Variants in ADAMTSL1 observed in about 807,000 individuals in gnomAD.
ADAMTSL1 encodes ADAMTS-like protein 1.
A neutral mutation model predicts 201.8 loss-of-function variants in ADAMTSL1; 126 were observed. That is an observed-to-expected ratio of 0.62 (90% CI 0.54 to 0.72). The LOEUF is 0.72. ADAMTSL1 is among the 30% of genes least tolerant of loss of function. The pLI, the probability that ADAMTSL1 is intolerant of heterozygous loss-of-function variation, is 0.00. For missense variants in ADAMTSL1, 2,679 were observed against 2,277.8 expected (o/e 1.18, Z -3.59); for synonymous variants, 1,121 against 903.4 (o/e 1.24, Z -4.32).
At chr9:18,819,704 T>C (rs986707706) in intron 21 of ADAMTSL1, among the ~76,000 whole-genome samples, 1 of 152,222 alleles carries the variant, frequency 6.6e-6, no homozygotes, top group Admixed American at 6.5e-5. Context: ...GACATTGCAG[T>C]CTTTATTTTT....
intron 23 of ADAMTSL1, among the ~76,000 whole-genome samples, chr9:18,843,805 C>A (rs1249219378): frequency 6.6e-6 from 1 of 150,844 alleles, no homozygotes; most frequent in Non-Finnish European, 1.5e-5. Flanking sequence ...TCACTGATAC[C>A]CTTTCTTCCA....
intron 3 of ADAMTSL1, among the ~76,000 whole-genome samples, chr9:18,562,808 G>A (rs751162442): frequency 8.5e-5 from 13 of 152,062 alleles, no homozygotes; most frequent in Non-Finnish European, 1.9e-4. Context: ...TAATCGATTT[G>A]GCTGTTGATG....
At chr9:18,051,311 T>A (rs1378664587) in intron 1 of ADAMTSL1, among the ~76,000 whole-genome samples, 1 of 151,628 alleles carries the variant, frequency 6.6e-6, no homozygotes, top group Non-Finnish European at 1.5e-5. Context: ...AAAAAAAAAA[T>A]TATATATATC....
intron 14 of ADAMTSL1, among the ~76,000 whole-genome samples, chr9:18,718,945 TA>T (rs1249351968): frequency 6.6e-6 from 1 of 152,238 alleles, no homozygotes; most frequent in Non-Finnish European, 1.5e-5. Context: ...GTAAATGAGT[TA>T]AAAATTTAAT....
At chr9:17,978,769 A>ATT (rs113667113) in intron 1 of ADAMTSL1, among the ~76,000 whole-genome samples, 2 of 151,638 alleles carry the variant, frequency 1.3e-5, no homozygotes, top group African/African-American at 4.8e-5. Context: ...TTTACCATTG[A>ATT]TTTTTTTTAC....
In ADAMTSL1 at chr9:18,095,750, C is replaced by G. The variant is rs938813364; in HGVS notation, c.88-68112C>G. On this transcript the variant is annotated intron_variant, in intron 1 of 29. Coordinates refer to the ADAMTSL1 transcript ENST00000680146. The stretch of plus-strand genomic sequence containing the variant: ...CCCTGATAAATTTCTTAGTGCTGGG[C>G]TGACAACGTATTTCAGTCTCATCTT... 3.3e-5 allele frequency among the ~76,000 whole-genome samples: 5 copies of G among 152,112 alleles called. No homozygotes were observed. The South Asian group carries it at 8.3e-4, about 25-fold the overall frequency.
chr9:17,919,697 C>G (rs1179707161), intron 1 of ADAMTSL1, among the ~76,000 whole-genome samples: 2 of 152,014 alleles, frequency 1.3e-5, no homozygotes, highest in African/African-American at 2.4e-5. Flanking sequence ...ATGAATATAA[C>G]ACATTTTGTT....
In ADAMTSL1 at chr9:18,256,672, G is replaced by A. The variant is rs548391416; in HGVS notation, c.207+92691G>A. On this transcript the variant is annotated intron_variant, in intron 2 of 29. Transcript: ENST00000680146. ...CAGAGAGGCTTAAGAGCTAATTCTGGAACCTACTAGCCTCAGGAAGTTTTG... is the reference window on the plus strand; with the variant it reads ...CAGAGAGGCTTAAGAGCTAATTCTGAAACCTACTAGCCTCAGGAAGTTTTG... 4.6e-5 allele frequency among the ~76,000 whole-genome samples: 7 copies of A among 152,282 alleles called. No homozygotes were observed. In the East Asian group the frequency reaches 7.7e-4, roughly 17 times the overall value.
chr9:18,010,696 G>A (rs976016758), intron 1 of ADAMTSL1, among the ~76,000 whole-genome samples: 1 of 151,986 alleles, frequency 6.6e-6, no homozygotes, highest in Admixed American at 6.6e-5. Context: ...AGCTAGCTAA[G>A]CCAAATAGGA....
chr9:18,424,420 G>A (rs748600141), intron 2 of ADAMTSL1, among the ~76,000 whole-genome samples: 5 of 152,102 alleles, frequency 3.3e-5, no homozygotes, highest in Admixed American at 6.5e-5. Context: ...AGCTCAGTGG[G>A]GCAACAGTGA....
Position 18,863,388 on chromosome 9 carries a change from C to T in ADAMTSL1, c.4250-24443C>T, listed in dbSNP as rs554900397. On this transcript the variant is annotated intron_variant, in intron 23 of 28. Transcript: ENST00000380548. Reference sequence around the variant, plus strand: ...CCTGCCAACGGAAACCCAAAGCTTACGCTAGGGGTGAAGAGACATTTGGGG... The same window carrying T: ...CCTGCCAACGGAAACCCAAAGCTTATGCTAGGGGTGAAGAGACATTTGGGG... Among the ~76,000 whole-genome samples, 8 of 152,248 alleles carry T rather than the reference C, an allele frequency of 5.3e-5. No individual in the cohort carries two copies. In the East Asian group the frequency reaches 9.6e-4, roughly 18 times the overall value.
chr9:18,565,343 C>T (rs1821812125), intron 3 of ADAMTSL1, among the ~76,000 whole-genome samples: 2 of 152,102 alleles, frequency 1.3e-5, no homozygotes, highest in Admixed American at 1.3e-4. Flanking sequence ...TTTCACTGAG[C>T]ATGAACTTGA....
At chr9:18,286,385 C>T (rs1313883106) in intron 2 of ADAMTSL1, among the ~76,000 whole-genome samples, 1 of 152,114 alleles carries the variant, frequency 6.6e-6, no homozygotes, top group Non-Finnish European at 1.5e-5. Flanking sequence ...TGATGATAAA[C>T]TTTTTGTTGG....
intron 1 of ADAMTSL1, among the ~76,000 whole-genome samples, chr9:18,099,989 T>G (rs1730705106): frequency 6.6e-6 from 1 of 152,176 alleles, no homozygotes; most frequent in African/African-American, 2.4e-5. Flanking sequence ...TAAATTCGTT[T>G]TATTTCTGAT....
intron 2 of ADAMTSL1, among the ~76,000 whole-genome samples, chr9:18,238,667 G>A (rs11787918): frequency 0.035 from 5,260 of 152,188 alleles, 133 homozygotes; most frequent in Non-Finnish European, 0.054. Flanking sequence ...GCACTGAAAG[G>A]AACCAAATGA....
intron 1 of ADAMTSL1, among the ~76,000 whole-genome samples, chr9:18,012,868 T>A (rs1402738117): frequency 6.6e-6 from 1 of 152,026 alleles, no homozygotes; most frequent in African/African-American, 2.4e-5. Flanking sequence ...TTAATGTGTA[T>A]AATGTAAATT....
chr9:18,241,017 ATCT>A (rs1457122131), intron 2 of ADAMTSL1, among the ~76,000 whole-genome samples: 3 of 152,120 alleles, frequency 2.0e-5, no homozygotes, highest in Non-Finnish European at 4.4e-5. Flanking sequence ...GGCTGGTTTG[ATCT>A]TCTCTCCAGA....
chr9:18,156,038 C>T (rs768868644), intron 1 of ADAMTSL1, among the ~76,000 whole-genome samples: 6 of 152,080 alleles, frequency 3.9e-5, no homozygotes, highest in African/African-American at 1.2e-4. Flanking sequence ...TCTCAGACTG[C>T]AGCCTAGTGC....
intron 1 of ADAMTSL1, among the ~76,000 whole-genome samples, chr9:18,135,464 A>T: frequency 6.6e-6 from 1 of 152,144 alleles, no homozygotes; most frequent in East Asian, 1.9e-4. Flanking sequence ...ACTAGCCACA[A>T]GGTGGACAGT....
Sources: gnomAD v4.1 joint callset for allele counts (sites outside exome capture counted in the v4.1 genomes callset) on GRCh38, gnomAD v4.1.1 for gene constraint, MANE v1.5 for transcripts, NCBI Gene and HGNC (gene_info 2026-07-23, HGNC 2026-07-21) for gene names.